Variants in TMEM52B observed in about 807,000 individuals in gnomAD.
TMEM52B encodes transmembrane protein 52B, also known as chromosome 12 open reading frame 59.
Under a neutral mutation model 16.1 loss-of-function variants are expected in TMEM52B, and 11 were observed. That is an observed-to-expected ratio of 0.68 (90% CI 0.43 to 1.13). TMEM52B has a LOEUF of 1.13. Ranked by LOEUF, TMEM52B falls within the 50% of genes most tolerant of loss-of-function variation. The pLI is 0.00. For missense variants in TMEM52B, 243 were observed against 230.4 expected (o/e 1.05, Z -0.35); for synonymous variants, 101 against 93.8 (o/e 1.08, Z -0.45).
chr12:10,180,667 C>G (rs560475642), intron 1 of TMEM52B, among the ~76,000 whole-genome samples: 5 of 152,304 alleles, frequency 3.3e-5, no homozygotes, highest in Admixed American at 3.3e-4. Flanking sequence ...CTTCACTACC[C>G]GCCATAAACT....
rs996832221 is a variant in TMEM52B at position 10,190,644 on chromosome 12, C to G, written c.*504C>G. On this transcript the variant is annotated 3_prime_UTR_variant, in exon 5 of 5. Transcript: ENST00000543484. ...CATCTTAGACAGCACAACATACCCA[C>G]TCGGATATCTAAAAGCTAGGGATGG... 1 of 165,248 alleles carries G rather than the reference C, an allele frequency of 6.1e-6. No individual in the cohort carries two copies. The highest frequency in any genetic ancestry group is 1.3e-5 in the Non-Finnish European group (1 of 74,242). The allele number at this position is 165,248 out of a possible 1,614,324, so 10.2% of individuals were successfully genotyped here.
At chr12:10,182,068 G>C in intron 1 of TMEM52B, 5 of 927,616 alleles carry the variant, frequency 5.4e-6, no homozygotes, top group Non-Finnish European at 5.1e-6. Context: ...TTAGCAGTCT[G>C]AGTGGCATCT....
In TMEM52B at chr12:10,191,133, T is replaced by C. The variant is rs925379116; in HGVS notation, c.*993T>C. 1 of 152,044 alleles carries C rather than the reference T, an allele frequency of 6.6e-6. No homozygotes were observed. The highest frequency in any genetic ancestry group is 1.5e-5 in the Non-Finnish European group (1 of 68,030). The allele number at this position is 152,044 out of a possible 1,614,324, so 9.4% of individuals were successfully genotyped here. ...ACAGTGCTAATCTATCCACAAAACA[T>C]ACCACCTCCCAAAGTATTATTATTG... On this transcript the variant is annotated 3_prime_UTR_variant, in exon 5 of 5. Coordinates refer to ENST00000543484, the MANE Select transcript of TMEM52B (RefSeq NM_001384896.1).
Position 10,186,648 on chromosome 12 carries a change from G to C in TMEM52B, c.307+59G>C, listed in dbSNP as rs553103416. 2.4e-4 allele frequency: 353 copies of C among 1,465,124 alleles called. 3 individuals carry two copies. The East Asian group carries it at 8.3e-3, about 34-fold the overall frequency. 90.8% of individuals were successfully genotyped at this position (1,465,124 alleles called of 1,614,324 possible). A position where few individuals can be genotyped will look rare whatever the true frequency, so the allele number is the denominator to read the frequency against. ...ACCCAATTTAAGGGAATAATGAAAA[G>C]GGTGCAAAGGTGTAGAACCACTGAT... On this transcript the variant is annotated intron_variant, in intron 4 of 4. Coordinates refer to ENST00000543484, the MANE Select transcript of TMEM52B (RefSeq NM_001384896.1).
intron 4 of TMEM52B, among the ~76,000 whole-genome samples, chr12:10,189,016 CAAAAAAAAAAAAAAAAAAA>C (rs869240234): frequency 1.1e-4 from 6 of 56,500 alleles, no homozygotes; most frequent in Non-Finnish European, 1.5e-4. Flanking sequence ...GACTCCGTCT[CAAAAAAAAAAAAAAAAAAA>C]AAAAAAAAAA....
At chr12:10,181,924 G>A (rs1031596050) in intron 1 of TMEM52B, among the ~76,000 whole-genome samples, 11 of 149,904 alleles carry the variant, frequency 7.3e-5, no homozygotes, top group Middle Eastern at 3.4e-3. Flanking sequence ...CTACTCGGGA[G>A]GCTGAGGCAG....
chr12:10,171,185 T>C (rs1272091005), intron 1 of TMEM52B, among the ~76,000 whole-genome samples: 1 of 152,260 alleles, frequency 6.6e-6, no homozygotes, highest in Admixed American at 6.5e-5. Flanking sequence ...CACACTTATG[T>C]TCTCTATTGA....
chr12:10,177,381 T>C (rs1714960237), upstream of TMEM52B, among the ~76,000 whole-genome samples: 1 of 152,194 alleles, frequency 6.6e-6, no homozygotes, highest in South Asian at 2.1e-4. Context: ...GTTTATATCC[T>C]GCATTCTCAT....
intron 4 of TMEM52B, among the ~76,000 whole-genome samples, chr12:10,188,375 T>C (rs1457914378): frequency 6.7e-6 from 1 of 148,434 alleles, no homozygotes; most frequent in Non-Finnish European, 1.5e-5. Context: ...ACGAGAATCA[T>C]TTGAGCCCAG....
chr12:10,171,495 A>AT lies in TMEM52B; in HGVS notation c.-95+645dup, dbSNP rs538313622. Among the ~76,000 whole-genome samples, 1,087 of 152,374 alleles carry AT rather than the reference A, an allele frequency of 7.1e-3. 9 individuals carry two copies. The highest frequency in any genetic ancestry group is 0.054 in the Middle Eastern group (16 of 294). ...ATCATTTACTTTGCCTGCATAATTC[A>AT]TGAGGTACTTCAGGTTTTTGTAGTG... On this transcript the variant is annotated intron_variant, in intron 1 of 5. Coordinates refer to the TMEM52B transcript ENST00000381923.
chr12:10,187,099 G>GTTTTT (rs71049057), intron 4 of TMEM52B, among the ~76,000 whole-genome samples: 3,594 of 81,960 alleles, frequency 0.044, 318 homozygotes, highest in African/African-American at 0.1. Flanking sequence ...TTCCATGACG[G>GTTTTT]TTTTTTTTTT....
rs1948952992 is a variant in TMEM52B at position 10,191,098 on chromosome 12, A to C, written c.*958A>C. Reference sequence around the variant, plus strand: ...CTGGTTGAGATGCTTCCCATGGACCATGCCGCAGCACAGTGCTAATCTATC... The same window carrying C: ...CTGGTTGAGATGCTTCCCATGGACCCTGCCGCAGCACAGTGCTAATCTATC... On this transcript the variant is annotated 3_prime_UTR_variant, in exon 5 of 5. Transcript: ENST00000543484. The C allele has an allele frequency of 6.6e-6, 1 of 152,292 alleles. No homozygotes were observed. Among genetic ancestry groups the C allele is most frequent in the Non-Finnish European group, 1.5e-5 (1 of 68,086 alleles). The allele number at this position is 152,292 out of a possible 1,614,324, so 9.4% of individuals were successfully genotyped here. A position where few individuals can be genotyped will look rare whatever the true frequency, so the allele number is the denominator to read the frequency against.
At chr12:10,172,572 C>A (rs2137530835) in intron 1 of TMEM52B, among the ~76,000 whole-genome samples, 1 of 152,244 alleles carries the variant, frequency 6.6e-6, no homozygotes, top group Non-Finnish European at 1.5e-5. Context: ...TTTTATCTGG[C>A]AATGGATCTA....
Position 10,185,312 on chromosome 12 carries a change from T to G in TMEM52B, c.99-18T>G. ...TGACTATATTTTTAATGTAGAAAAC[T>G]TTATTCTTTCTTTATAGTTGCCTGA... is the stretch of plus-strand genomic sequence containing the variant. On this transcript the variant is annotated intron_variant, in intron 2 of 4. Transcript: ENST00000543484. 6.3e-7 allele frequency: 1 copy of G among 1,584,962 alleles called. No homozygotes were observed. Among genetic ancestry groups the G allele is most frequent in the Non-Finnish European group, 8.7e-7 (1 of 1,153,694 alleles).
chr12:10,188,541 A>AGGGAG (rs1565428862), intron 4 of TMEM52B, among the ~76,000 whole-genome samples: 2 of 24,466 alleles, frequency 8.2e-5, no homozygotes, highest in Non-Finnish European at 2.3e-4. Flanking sequence ...AGGAAGGAAA[A>AGGGAG]GAAGAAAAAG....
intron 4 of TMEM52B, among the ~76,000 whole-genome samples, chr12:10,188,537 GAA>G (rs577118421): frequency 0.27 from 11,316 of 41,264 alleles, 563 homozygotes; most frequent in South Asian, 0.36. Context: ...AGGAAGGAAG[GAA>G]AAGAAGAAAA....
At chr12:10,188,971 C>T (rs1378228966) in intron 4 of TMEM52B, among the ~76,000 whole-genome samples, 6 of 135,940 alleles carry the variant, frequency 4.4e-5, no homozygotes, top group South Asian at 2.4e-4. Context: ...GAGCCGAGAT[C>T]GCGCCACTGC....
chr12:10,190,508 T>A lies in TMEM52B; in HGVS notation c.*368T>A, dbSNP rs541672748. 78 of 234,922 alleles carry A rather than the reference T, an allele frequency of 3.3e-4. No homozygotes were observed. The highest frequency in any genetic ancestry group is 5.6e-4 in the Non-Finnish European group (65 of 115,896). The allele number at this position is 234,922 out of a possible 1,614,324, so 14.6% of individuals were successfully genotyped here. A position where few individuals can be genotyped will look rare whatever the true frequency, so the allele number is the denominator to read the frequency against. Reference sequence around the variant, plus strand: ...TCTCTGTCAGCGAATCCACTGCGGTTAACTGGAAAAGAAAGACAACAGTGT... The same window carrying A: ...TCTCTGTCAGCGAATCCACTGCGGTAAACTGGAAAAGAAAGACAACAGTGT... On this transcript the variant is annotated 3_prime_UTR_variant, in exon 5 of 5. Transcript: ENST00000543484.
chr12:10,188,220 C>A (rs1044349380), intron 4 of TMEM52B, among the ~76,000 whole-genome samples: 2 of 152,104 alleles, frequency 1.3e-5, no homozygotes, highest in Admixed American at 1.3e-4. Flanking sequence ...CACGGTGGCT[C>A]AGTCCAAGGC....
Sources: allele counts gnomAD v4.1 joint callset (sites outside exome capture counted in the v4.1 genomes callset), GRCh38; gene constraint gnomAD v4.1.1; transcripts MANE v1.5; gene names NCBI Gene and HGNC (gene_info 2026-07-23, HGNC 2026-07-21).